Variants in ADRA1A observed in about 807,000 individuals in gnomAD.
The protein encoded by ADRA1A is adrenoceptor alpha 1A.
ADRA1A carries 31 observed loss-of-function variants against 29.6 expected under a neutral mutation model. The ratio of observed to expected loss-of-function variants is 1.05; its 90% confidence interval spans 0.79 to 1.41. The LOEUF is 1.41. ADRA1A is among the 40% of genes most tolerant of loss of function. The probability of loss-of-function intolerance (pLI) is 0.00; values close to 1 mark genes in which losing one functional copy is unlikely to be tolerated. For synonymous variants in ADRA1A, 311 were observed against 254.3 expected (o/e 1.22, Z -2.12); for missense variants, 619 against 601.1 (o/e 1.03, Z -0.31).
chr8:26,843,702 C>T (rs941866528), intron 2 of ADRA1A, among the ~76,000 whole-genome samples: 2 of 152,058 alleles, frequency 1.3e-5, no homozygotes, highest in East Asian at 3.9e-4. Context: ...ATTGGATGTA[C>T]CAGAATCACA....
chr8:26,857,076 G>C (rs2130772389), intron 2 of ADRA1A, among the ~76,000 whole-genome samples: 1 of 152,306 alleles, frequency 6.6e-6, no homozygotes, highest in African/African-American at 2.4e-5. Context: ...CTGACTTGCT[G>C]TGACTGCAGA....
At chr8:26,814,888 A>G (rs1585747637) in intron 2 of ADRA1A, among the ~76,000 whole-genome samples, 2 of 152,216 alleles carry the variant, frequency 1.3e-5, no homozygotes, top group African/African-American at 4.8e-5. Context: ...AAATTAAAAT[A>G]TGTCTCTCTT....
At chr8:26,757,189 CT>C (rs11309325) in intron 2 of ADRA1A, 344,216 of 699,932 alleles carry the variant, frequency 0.49, 89,227 homozygotes, top group East Asian at 0.84. Flanking sequence ...CCGAAAGTGA[CT>C]TTTTTTCCTC....
At chr8:26,779,682 A>G (rs973453897) in intron 2 of ADRA1A, among the ~76,000 whole-genome samples, 3 of 152,138 alleles carry the variant, frequency 2.0e-5, no homozygotes, top group Non-Finnish European at 4.4e-5. Context: ...CTTTGAGATC[A>G]CGGAAAGGAG....
intron 2 of ADRA1A, among the ~76,000 whole-genome samples, chr8:26,855,774 A>G (rs1436646383): frequency 6.6e-6 from 1 of 152,258 alleles, no homozygotes; most frequent in African/African-American, 2.4e-5. Flanking sequence ...ACATTCAAAT[A>G]GCGAAGAAAT....
downstream of ADRA1A, among the ~76,000 whole-genome samples, chr8:26,766,778 A>T (rs897511441): frequency 6.6e-6 from 1 of 152,126 alleles, no homozygotes; most frequent in African/African-American, 2.4e-5. Context: ...TATCTGTAAA[A>T]TAGGGGTAGC....
rs150328007 is a variant in ADRA1A, at chr8:26,776,764, G to C, written c.884-6098C>G. Among the ~76,000 whole-genome samples, 680 of 152,318 alleles carry C rather than the reference G, an allele frequency of 4.5e-3. 6 individuals carry two copies. The highest frequency in any genetic ancestry group is 0.016 in the African/African-American group (645 of 41,568). On this transcript the variant is annotated intron_variant, in intron 2 of 2. Transcript: ENST00000380573. ...AAGTCAGAGTGTGCTGTTCAGAAGG[G>C]TTTGTCAGCAGGGCCTTACATTCTG... is the stretch of plus-strand genomic sequence containing the variant.
At chr8:26,799,015 G>GT (rs1439236373) in intron 2 of ADRA1A, among the ~76,000 whole-genome samples, 1 of 152,090 alleles carries the variant, frequency 6.6e-6, no homozygotes, top group East Asian at 1.9e-4. Flanking sequence ...TATCTAGCAA[G>GT]TTTCAATAAT....
intron 2 of ADRA1A, among the ~76,000 whole-genome samples, chr8:26,759,054 G>A (rs536712080): frequency 5.0e-4 from 76 of 152,268 alleles, no homozygotes; most frequent in African/African-American, 1.3e-3. Context: ...AAATGATTTC[G>A]TTGTCAGGAA....
In ADRA1A at chr8:26,760,229, T is replaced by C. The variant is rs372495344; in HGVS notation, c.1270-3450A>G. Among the ~76,000 whole-genome samples, 3 of 152,254 alleles carry C rather than the reference T, an allele frequency of 2.0e-5. No individual in the cohort carries two copies. The East Asian group carries it at 5.8e-4, about 29-fold the overall frequency. ...AATACAAGGGTCTTGGGTTGGGTGATTAAGTGGAAATGGCATGGGATTTTT... is the reference window on the plus strand; with the variant it reads ...AATACAAGGGTCTTGGGTTGGGTGACTAAGTGGAAATGGCATGGGATTTTT... On this transcript the variant is annotated intron_variant, in intron 2 of 2. Transcript: ENST00000380582.
At chr8:26,764,182 C>T (rs1220386780), downstream of ADRA1A, among the ~76,000 whole-genome samples, 2 of 152,154 alleles carry the variant, frequency 1.3e-5, no homozygotes, top group African/African-American at 4.8e-5. Flanking sequence ...GACCCACAGG[C>T]TGACCGGGAA....
rs1268646760 is a variant in ADRA1A at position 26,769,847 on chromosome 8, T to C, written c.*302A>G. 1.8e-6 allele frequency: 2 copies of C among 1,125,392 alleles called. No homozygotes were observed. The highest frequency in any genetic ancestry group is 9.7e-5 in the East Asian group (2 of 20,622). The allele number at this position is 1,125,392 out of a possible 1,614,324, so 69.7% of individuals were successfully genotyped here. A position where few individuals can be genotyped will look rare whatever the true frequency, so the allele number is the denominator to read the frequency against. ...AATCCTATATTTATAGTCTTTTGGA[T>C]TGTGCATGAAATTCTGTTTCCCATG... On this transcript the variant is annotated 3_prime_UTR_variant, in exon 3 of 3. Coordinates refer to ENST00000380573, the MANE Select transcript of ADRA1A (RefSeq NM_000680.4).
intron 2 of ADRA1A, among the ~76,000 whole-genome samples, chr8:26,781,064 A>G (rs1806945428): frequency 6.6e-6 from 1 of 152,170 alleles, no homozygotes; most frequent in Non-Finnish European, 1.5e-5. Flanking sequence ...CCATCCTCCC[A>G]TCTCCAGGCC....
At chr8:26,794,492 G>A (rs1808055854) in intron 2 of ADRA1A, among the ~76,000 whole-genome samples, 1 of 152,006 alleles carries the variant, frequency 6.6e-6, no homozygotes, top group South Asian at 2.1e-4. Context: ...CTATTATTCA[G>A]TTCTGCCACT....
intron 2 of ADRA1A, among the ~76,000 whole-genome samples, chr8:26,782,790 G>A (rs898482032): frequency 6.6e-6 from 1 of 152,052 alleles, no homozygotes; most frequent in African/African-American, 2.4e-5. Flanking sequence ...CATCCCTCCT[G>A]ATGTTTCCAA....
chr8:26,832,437 T>G (rs1811049027), intron 2 of ADRA1A, among the ~76,000 whole-genome samples: 1 of 152,074 alleles, frequency 6.6e-6, no homozygotes, highest in Non-Finnish European at 1.5e-5. Flanking sequence ...ATAAGTATCC[T>G]TGATAGAGGA....
intron 2 of ADRA1A, among the ~76,000 whole-genome samples, chr8:26,777,556 T>C (rs1386765770): frequency 6.6e-6 from 1 of 152,228 alleles, no homozygotes; most frequent in East Asian, 1.9e-4. Context: ...CTAGTCTTTT[T>C]TTCCCCTATT....
intron 2 of ADRA1A, among the ~76,000 whole-genome samples, chr8:26,850,980 A>T (rs1208226604): frequency 2.0e-5 from 3 of 152,178 alleles, no homozygotes; most frequent in African/African-American, 7.2e-5. Context: ...GTAGAACTTT[A>T]CTCACAAAAG....
In ADRA1A at chr8:26,777,972, T is replaced by C. The variant is rs192489646; in HGVS notation, c.884-7306A>G. ...CAATCCAGGCAAGGAAAGAGGTCAC[T>C]TGGGGAGATGTCCTCTCATCCCTCA... On this transcript the variant is annotated intron_variant, in intron 2 of 2. Coordinates refer to ENST00000380573, the MANE Select transcript of ADRA1A (RefSeq NM_000680.4). Among the ~76,000 whole-genome samples the C allele has an allele frequency of 2.2e-4, 33 of 152,344 alleles. No homozygotes were observed. In the East Asian group the frequency reaches 4.2e-3, roughly 20 times the overall value.
Sources: gnomAD v4.1 joint callset for allele counts (sites outside exome capture counted in the v4.1 genomes callset) on GRCh38, gnomAD v4.1.1 for gene constraint, MANE v1.5 for transcripts, NCBI Gene and HGNC (gene_info 2026-07-23, HGNC 2026-07-21) for gene names.